FHIT: variants seen among roughly 807,000 people sequenced by gnomAD.
FHIT encodes fragile histidine triad diadenosine triphosphatase.
In FHIT, 19 loss-of-function variants were observed where a neutral mutation model predicts 17.9. The observed-to-expected ratio is 1.06, with a 90% CI of 0.74 to 1.56. The LOEUF (loss-of-function observed/expected upper bound fraction) is 1.56. FHIT is among the 40% of genes most tolerant of loss of function. The pLI is 0.00. For missense variants in FHIT, 248 were observed against 189.2 expected (o/e 1.31, Z -1.82); for synonymous variants, 81 against 69.7 (o/e 1.16, Z -0.81).
intron 3 of FHIT, among the ~76,000 whole-genome samples, chr3:60,895,819 A>ATTTT: frequency 7.3e-6 from 1 of 137,590 alleles, no homozygotes; most frequent in Non-Finnish European, 1.6e-5. Context: ...ACAGGTCCTC[A>ATTTT]TTTTTTTTTT....
In FHIT at chr3:60,955,612, A is replaced by ATATACATATATATATATACATG. The variant is rs1559862310; in HGVS notation, c.-111+86434_-111+86435insCATGTATATATATATATGTATA. ...CATATATATACATATATATATATAT[A>ATATACATATATATATATACATG]TATATATATATATATATATATACAC... On this transcript the variant is annotated intron_variant, in intron 3 of 9. Coordinates refer to ENST00000492590, the MANE Select transcript of FHIT (RefSeq NM_002012.4). 1.6e-3 allele frequency among the ~76,000 whole-genome samples: 16 copies of ATATACATATATATATATACATG among 9,742 alleles called. 1 individual carries two copies. Among genetic ancestry groups the ATATACATATATATATATACATG allele is most frequent in the Non-Finnish European group, 5.9e-3 (15 of 2,554 alleles). 6.4% of individuals were successfully genotyped at this position (9,742 alleles called of 152,430 possible).
intron 4 of FHIT, among the ~76,000 whole-genome samples, chr3:60,681,104 T>C (rs1553696761): frequency 6.6e-6 from 1 of 152,212 alleles, no homozygotes; most frequent in Non-Finnish European, 1.5e-5. Context: ...GTTTTACAAG[T>C]TGAAGGTTTG....
intron 2 of FHIT, among the ~76,000 whole-genome samples, chr3:61,193,492 G>C (rs550597391): frequency 1.3e-5 from 2 of 152,216 alleles, no homozygotes; most frequent in African/African-American, 4.8e-5. Flanking sequence ...AAAGTTCAGG[G>C]GGCCTTTTTA....
intron 2 of FHIT, among the ~76,000 whole-genome samples, chr3:61,183,123 C>T (rs1282589109): frequency 6.6e-6 from 1 of 152,176 alleles, no homozygotes; most frequent in Non-Finnish European, 1.5e-5. Flanking sequence ...GAACATGCTC[C>T]TGAATTCTGT....
rs1380505401 is a variant in FHIT, at chr3:60,114,063, ATATATATAT to A, written c.104-99920_104-99912del. 6.1e-3 allele frequency among the ~76,000 whole-genome samples: 609 copies of A among 99,802 alleles called. 11 individuals are homozygous for A. The highest frequency in any genetic ancestry group is 9.2e-3 in the Non-Finnish European group (446 of 48,454). 65.5% of individuals were successfully genotyped at this position (99,802 alleles called of 152,430 possible). On this transcript the variant is annotated intron_variant, in intron 5 of 9. Transcript: ENST00000492590. ...TATATATATATATATATATATATAT[ATATATATAT>A]AATGTTATATGTATCTTACCACAAT...
intron 5 of FHIT, among the ~76,000 whole-genome samples, chr3:60,418,372 GTGTGTATATATA>G (rs1341631901): frequency 0.013 from 67 of 5,334 alleles, 2 homozygotes; most frequent in African/African-American, 0.013. Context: ...GTATCTGAAT[GTGTGTATATATA>G]TATATATATA....
intron 4 of FHIT, among the ~76,000 whole-genome samples, chr3:60,718,973 C>T (rs185867642): frequency 6.6e-5 from 10 of 152,254 alleles, no homozygotes; most frequent in Non-Finnish European, 1.3e-4. Flanking sequence ...AATATTGATA[C>T]AGACAGGTCA....
chr3:61,143,678 C>T (rs2037149151), intron 2 of FHIT, among the ~76,000 whole-genome samples: 1 of 152,148 alleles, frequency 6.6e-6, no homozygotes, highest in South Asian at 2.1e-4. Context: ...CCAGCCTCAC[C>T]AATAAGGTGA....
intron 4 of FHIT, among the ~76,000 whole-genome samples, chr3:60,792,916 A>G (rs1553728994): frequency 6.6e-6 from 1 of 151,844 alleles, no homozygotes. Context: ...TGTGTAATAC[A>G]TTAGCTATGA....
At chr3:60,292,800 C>A (rs1708046020) in intron 5 of FHIT, among the ~76,000 whole-genome samples, 1 of 152,032 alleles carries the variant, frequency 6.6e-6, no homozygotes, top group South Asian at 2.1e-4. Context: ...TAAAGAAAGC[C>A]TAGTCATAAA....
intron 4 of FHIT, among the ~76,000 whole-genome samples, chr3:60,770,588 G>A (rs1316802325): frequency 6.6e-6 from 1 of 152,116 alleles, no homozygotes; most frequent in East Asian, 1.9e-4. Context: ...CCAGATTTGG[G>A]GATGTTAGGA....
chr3:59,988,695 G>T (rs1015130038), intron 7 of FHIT, among the ~76,000 whole-genome samples: 7 of 152,026 alleles, frequency 4.6e-5, no homozygotes, highest in African/African-American at 1.7e-4. Context: ...CTGAGATAAG[G>T]ATCTCAAAAT....
chr3:60,029,017 A>G (rs1700869500), intron 5 of FHIT, among the ~76,000 whole-genome samples: 1 of 152,206 alleles, frequency 6.6e-6, no homozygotes, highest in African/African-American at 2.4e-5. Context: ...CAAGGCAAGA[A>G]TTGTTCAAGA....
intron 1 of FHIT, among the ~76,000 whole-genome samples, chr3:61,201,843 T>C (rs931772163): frequency 6.6e-6 from 1 of 152,124 alleles, no homozygotes; most frequent in African/African-American, 2.4e-5. Context: ...ATCTAAGAGA[T>C]GAATAATCTG....
intron 4 of FHIT, among the ~76,000 whole-genome samples, chr3:60,727,556 T>G (rs1553709898): frequency 6.6e-6 from 1 of 152,176 alleles, no homozygotes; most frequent in African/African-American, 2.4e-5. Flanking sequence ...GGAGCCCCAT[T>G]ATAGGAAAGC....
intron 5 of FHIT, among the ~76,000 whole-genome samples, chr3:60,268,724 T>C (rs367574531): frequency 5.3e-5 from 8 of 152,232 alleles, no homozygotes; most frequent in South Asian, 4.1e-4. Flanking sequence ...TGGCCACCTA[T>C]AGATGTCCAT....
chr3:59,751,154 A>AT (rs1040498988), intron 9 of FHIT: 2 of 179,982 alleles, frequency 1.1e-5, no homozygotes, highest in African/African-American at 4.7e-5. Context: ...TAAACAAGTA[A>AT]TTTTTTTAGT....
intron 3 of FHIT, among the ~76,000 whole-genome samples, chr3:60,854,555 AT>A (rs35428632): frequency 4.3e-5 from 6 of 138,496 alleles, no homozygotes; most frequent in African/African-American, 1.6e-4. Context: ...GCCTACTTCT[AT>A]TTTTTTTTTT....
At chr3:60,819,704 G>A (rs959629179) in intron 4 of FHIT, among the ~76,000 whole-genome samples, 7 of 152,106 alleles carry the variant, frequency 4.6e-5, no homozygotes, top group Non-Finnish European at 8.8e-5. Context: ...TATTCTTTGA[G>A]CAGTTCCCAT....
Sources: allele counts gnomAD v4.1 joint callset (sites outside exome capture counted in the v4.1 genomes callset), GRCh38; gene constraint gnomAD v4.1.1; transcripts MANE v1.5; gene names NCBI Gene and HGNC (gene_info 2026-07-23, HGNC 2026-07-21).